The following STRN variants were observed in gnomAD, a reference collection of about 807,000 sequenced individuals.
The protein encoded by STRN is striatin.
In STRN, 53 loss-of-function variants were observed where a neutral mutation model predicts 96.3. The ratio of observed to expected loss-of-function variants is 0.55; its 90% CI spans 0.44 to 0.69. The LOEUF (loss-of-function observed/expected upper bound fraction) is 0.69, where lower values mean the gene tolerates loss of function less well. Ranked by LOEUF, STRN falls within the 30% of genes least tolerant of loss-of-function variation. The pLI is 0.00. For synonymous variants in STRN, 428 were observed against 355.9 expected, an observed-to-expected ratio of 1.20 and a Z score of -2.28; for missense variants, 987 against 963.9, an observed-to-expected ratio of 1.02 and a Z score of -0.32.
chr2:36,928,339 G>A lies in STRN; in HGVS notation c.235-3131C>T, dbSNP rs538297317. ...AGCAAAAGGAAGAAAAAAAGGGAAGGAAAAAAGGTAAAAAGAAAAAGAGGA... is the reference window on the plus strand; with the variant it reads ...AGCAAAAGGAAGAAAAAAAGGGAAGAAAAAAAGGTAAAAAGAAAAAGAGGA... On this transcript the variant is annotated intron_variant, in intron 1 of 17. Transcript: ENST00000263918. Among the ~76,000 whole-genome samples the A allele has an allele frequency of 7.3e-4, 111 of 152,136 alleles. 1 individual carries two copies. The highest frequency in any genetic ancestry group is 2.6e-3 in the African/African-American group (108 of 41,524).
chr2:36,883,939 T>G lies in STRN; in HGVS notation c.1179A>C (p.Ala393=). 1 of 1,384,702 alleles carries G rather than the reference T, an allele frequency of 7.2e-7. No homozygotes were observed. The allele number at this position is 1,384,702 out of a possible 1,614,324, so 85.8% of individuals were successfully genotyped here. ...AGTATCTTAAATACTTACCTTCATC[T>G]GCCCTATTAATTTCATGTTCAGGAA... ...SRLPEHEINR[A]DEVEALTFPP... Residue 393 remains alanine, a synonymous_variant, in exon 9 of 18, where the codon GCA becomes GCC. Transcript: ENST00000263918.
At chr2:36,964,217 T>G (rs550288511) in intron 1 of STRN, among the ~76,000 whole-genome samples, 21 of 149,024 alleles carry the variant, frequency 1.4e-4, no homozygotes, top group African/African-American at 5.1e-4. Flanking sequence ...TTCCCCAACT[T>G]CTACAGGTAG....
intron 11 of STRN, among the ~76,000 whole-genome samples, chr2:36,869,133 G>A (rs941040627): frequency 3.3e-5 from 5 of 152,154 alleles, no homozygotes; most frequent in Non-Finnish European, 5.9e-5. Flanking sequence ...CCATCCCAGT[G>A]AGGCTTTTCT....
intron 2 of STRN, among the ~76,000 whole-genome samples, chr2:36,920,066 A>T (rs1226912269): frequency 5.5e-5 from 7 of 126,224 alleles, no homozygotes; most frequent in Admixed American, 4.7e-4. Flanking sequence ...ATCTTTACTT[A>T]GGCATTTACA....
chr2:36,876,123 A>C (rs1668903149), intron 10 of STRN, among the ~76,000 whole-genome samples: 1 of 152,008 alleles, frequency 6.6e-6, no homozygotes, highest in African/African-American at 2.4e-5. Context: ...AAAGGAAAGT[A>C]CCTGGGTGTG....
chr2:36,896,310 T>A (rs1481238250), intron 6 of STRN, among the ~76,000 whole-genome samples: 1 of 152,200 alleles, frequency 6.6e-6, no homozygotes, highest in Non-Finnish European at 1.5e-5. Context: ...ATAAATGACA[T>A]TTATTACTGT....
chr2:36,900,801 C>A (rs2717502), intron 5 of STRN, among the ~76,000 whole-genome samples: 1 of 152,042 alleles, frequency 6.6e-6, no homozygotes, highest in Non-Finnish European at 1.5e-5. Context: ...GCTTAGGCAG[C>A]AGAATCGCTT....
chr2:36,902,812 T>A, intron 4 of STRN, 61 bp from the exon 5 acceptor site: 1 of 1,377,774 alleles, frequency 7.3e-7, no homozygotes, highest in South Asian at 1.5e-5. Flanking sequence ...TAATTTAATA[T>A]GTAAATAAAA....
intron 14 of STRN, 98 bp from the exon 15 acceptor site, chr2:36,855,450 G>T: frequency 8.0e-7 from 1 of 1,251,970 alleles, no homozygotes; most frequent in Non-Finnish European, 1.1e-6. Flanking sequence ...GTTTCCTTAA[G>T]AAGTAAACAA....
At chr2:36,894,127 T>G (rs1669478151) in intron 6 of STRN, 94 bp from the exon 7 acceptor site, 3 of 1,429,954 alleles carry the variant, frequency 2.1e-6, no homozygotes, top group Non-Finnish European at 2.8e-6. Context: ...AAGTATACGT[T>G]TGTTGTGTTA....
chr2:36,953,629 C>T (rs1005146982), intron 1 of STRN, among the ~76,000 whole-genome samples: 1 of 152,100 alleles, frequency 6.6e-6, no homozygotes, highest in African/African-American at 2.4e-5. Context: ...GTCTCGATCT[C>T]CTGACCTCAT....
chr2:36,845,407 C>T lies in STRN; in HGVS notation c.*4049G>A, dbSNP rs1668041249. On this transcript the variant is annotated 3_prime_UTR_variant, in exon 18 of 18. Coordinates refer to ENST00000263918, the MANE Select transcript of STRN (RefSeq NM_003162.4). ...TCATTTCAGATGTCATAAAGATTTG[C>T]TTCAGTTAAAATGGCAGCAATGACA... 1 of 151,974 alleles carries T rather than the reference C, an allele frequency of 6.6e-6. No homozygotes were observed. The allele number at this position is 151,974 out of a possible 1,614,324, so 9.4% of individuals were successfully genotyped here.
chr2:36,887,312 A>AATAAATAC (rs1045128035), intron 7 of STRN, among the ~76,000 whole-genome samples: 2 of 148,066 alleles, frequency 1.4e-5, no homozygotes, highest in African/African-American at 2.5e-5. Flanking sequence ...TAAATAAATA[A>AATAAATAC]ATACAAAATT....
At position 36,908,075 on chromosome 2, in the gene STRN, G is replaced by A. The variant is rs190957535; in HGVS notation, c.413-2457C>T. Among the ~76,000 whole-genome samples the A allele has an allele frequency of 1.1e-4, 17 of 152,248 alleles. No homozygotes were observed. In the East Asian group the frequency reaches 1.5e-3, roughly 14 times the overall value. On this transcript the variant is annotated intron_variant, in intron 3 of 17. Transcript: ENST00000263918. ...CAAATACATCTTGTTTCCACTGACC[G>A]CAAATTCAGGATCTGTGCAGGTAAC...
In STRN at chr2:36,845,230, TTGA is replaced by T. The variant is rs1207524402; in HGVS notation, c.*4223_*4225del. 5.3e-5 allele frequency: 8 copies of T among 152,136 alleles called. No homozygotes were observed. The highest frequency in any genetic ancestry group is 3.9e-4 in the Admixed American group (6 of 15,252). 9.4% of individuals were successfully genotyped at this position (152,136 alleles called of 1,614,324 possible). ...TCATTATCTCCACTCGCTAAAAACATTGATGGTTAATTTTAAGCAATTCTTTCA... is the reference window on the plus strand; with the variant it reads ...TCATTATCTCCACTCGCTAAAAACATTGGTTAATTTTAAGCAATTCTTTCA... On this transcript the variant is annotated 3_prime_UTR_variant, in exon 18 of 18. Transcript: ENST00000263918.
chr2:36,934,910 T>C (rs564804310), intron 1 of STRN, among the ~76,000 whole-genome samples: 2 of 152,268 alleles, frequency 1.3e-5, no homozygotes, highest in East Asian at 3.9e-4. Flanking sequence ...AAACCCCGTC[T>C]CTACTGAAAA....
rs57446302 is a variant in STRN at position 36,846,387 on chromosome 2, TTATATATATA to T, written c.*3059_*3068del. 4,157 of 78,268 alleles carry T rather than the reference TTATATATATA, an allele frequency of 0.053. 179 individuals carry two copies. Among genetic ancestry groups the T allele is most frequent in the Admixed American group, 0.077 (616 of 8,022 alleles). The allele number at this position is 78,268 out of a possible 1,614,324, so 4.8% of individuals were successfully genotyped here. On this transcript the variant is annotated 3_prime_UTR_variant, in exon 18 of 18. Coordinates refer to ENST00000263918, the MANE Select transcript of STRN (RefSeq NM_003162.4). The stretch of plus-strand genomic sequence containing the variant: ...CAAAACAGTAAAATGCACCTATGGT[TTATATATATA>T]TATATATATATATATATATATATAT...
At chr2:36,934,820 T>C (rs1299065239) in intron 1 of STRN, among the ~76,000 whole-genome samples, 1 of 152,192 alleles carries the variant, frequency 6.6e-6, no homozygotes, top group Non-Finnish European at 1.5e-5. Context: ...CTCATGCCTG[T>C]AATCCCAGCA....
chr2:36,936,491 C>G (rs758874751), intron 1 of STRN, among the ~76,000 whole-genome samples: 2 of 152,080 alleles, frequency 1.3e-5, no homozygotes, highest in Non-Finnish European at 2.9e-5. Context: ...TGAATGAACA[C>G]GTAATCTGAT....
Sources: gnomAD v4.1 joint callset for allele counts (sites outside exome capture counted in the v4.1 genomes callset) on GRCh38, gnomAD v4.1.1 for gene constraint, MANE v1.5 for transcripts, NCBI Gene and HGNC (gene_info 2026-07-23, HGNC 2026-07-21) for gene names.